Variants in FBXL17 observed in about 807,000 individuals in gnomAD.
FBXL17 encodes F-box/LRR-repeat protein 17.
A neutral mutation model predicts 66.2 loss-of-function variants in FBXL17; 22 were observed. That is an observed-to-expected ratio of 0.33 (90% CI 0.24 to 0.47). The LOEUF (loss-of-function observed/expected upper bound fraction) is 0.47, where lower values mean the gene tolerates loss of function less well. Among genes scored for constraint, FBXL17 ranks in the 20% least tolerant of loss-of-function variants. The pLI, the probability that FBXL17 is intolerant of heterozygous loss-of-function variation, is 1.00. For synonymous variants in FBXL17, 474 were observed against 400.5 expected (o/e 1.18, Z -2.19); for missense variants, 878 against 948.2 (o/e 0.93, Z 0.97).
chr5:108,237,330 T>A (rs1341196390), intron 4 of FBXL17, among the ~76,000 whole-genome samples: 1 of 152,130 alleles, frequency 6.6e-6, no homozygotes, highest in African/African-American at 2.4e-5. Flanking sequence ...TAGGTTGGGA[T>A]GTGAAGAGTC....
intron 6 of FBXL17, among the ~76,000 whole-genome samples, chr5:108,110,039 A>G (rs1235301525): frequency 3.3e-5 from 5 of 152,146 alleles, no homozygotes; most frequent in African/African-American, 1.2e-4. Flanking sequence ...GGTTACAGGT[A>G]AATAAGTGAT....
At chr5:108,252,566 A>G (rs1490168156) in intron 4 of FBXL17, among the ~76,000 whole-genome samples, 4 of 152,158 alleles carry the variant, frequency 2.6e-5, no homozygotes, top group African/African-American at 7.2e-5. Context: ...AAAACATAGT[A>G]AGATAGTTGG....
intron 4 of FBXL17, among the ~76,000 whole-genome samples, chr5:108,256,893 G>A (rs571952576): frequency 8.6e-5 from 13 of 151,446 alleles, no homozygotes; most frequent in South Asian, 2.1e-4. Flanking sequence ...TTTTTTAAGC[G>A]TGTAACAAGA....
chr5:108,080,788 G>T (rs1748731893), intron 6 of FBXL17, among the ~76,000 whole-genome samples: 1 of 152,036 alleles, frequency 6.6e-6, no homozygotes, highest in Admixed American at 6.5e-5. Context: ...GGAATCAGTA[G>T]AAAAGAGTAT....
At chr5:108,367,134 C>T (rs900754939) in intron 2 of FBXL17, among the ~76,000 whole-genome samples, 3 of 151,836 alleles carry the variant, frequency 2.0e-5, no homozygotes, top group South Asian at 2.1e-4. Context: ...TTTAGTACTT[C>T]GATAAAATGC....
intron 7 of FBXL17, among the ~76,000 whole-genome samples, chr5:107,914,641 C>T (rs1052054962): frequency 9.8e-5 from 15 of 152,312 alleles, no homozygotes; most frequent in African/African-American, 3.6e-4. Flanking sequence ...GTCAACCCCA[C>T]CCAAGTGACC....
intron 1 of FBXL17, among the ~76,000 whole-genome samples, 192 bp from the exon 2 acceptor site, chr5:108,368,145 T>C (rs1272841166): frequency 1.3e-5 from 2 of 152,028 alleles, no homozygotes; most frequent in African/African-American, 4.8e-5. Flanking sequence ...AACGGACTGA[T>C]GTTATATTTT....
At chr5:108,086,852 C>A (rs1040593096) in intron 6 of FBXL17, among the ~76,000 whole-genome samples, 1 of 152,110 alleles carries the variant, frequency 6.6e-6, no homozygotes, top group Admixed American at 6.5e-5. Flanking sequence ...TAAGCTACCG[C>A]ACCCCGCCAG....
At chr5:108,352,160 T>C (rs1328908353) in intron 3 of FBXL17, among the ~76,000 whole-genome samples, 1 of 152,196 alleles carries the variant, frequency 6.6e-6, no homozygotes, top group African/African-American at 2.4e-5. Context: ...AGTAAAACCA[T>C]CATTTAATCT....
intron 6 of FBXL17, among the ~76,000 whole-genome samples, chr5:108,154,648 C>CAGATATATGTGTATATATATACACAT (rs1389148464): frequency 8.6e-6 from 1 of 116,190 alleles, no homozygotes; most frequent in Admixed American, 8.3e-5. Flanking sequence ...CACACACACA[C>CAGATATATGTGTATATATATACACAT]ATATATGTAT....
intron 6 of FBXL17, among the ~76,000 whole-genome samples, chr5:108,158,406 G>C (rs1020132664): frequency 1.3e-5 from 2 of 152,152 alleles, no homozygotes; most frequent in African/African-American, 4.8e-5. Context: ...AGGGGCTTAA[G>C]CAACTAGGAA....
intron 7 of FBXL17, among the ~76,000 whole-genome samples, chr5:108,006,167 T>A (rs1261182536): frequency 1.3e-5 from 2 of 152,238 alleles, no homozygotes; most frequent in Admixed American, 6.5e-5. Context: ...TAGGTCTATA[T>A]GTAACCCAGG....
At chr5:108,169,029 A>G (rs1002469595) in intron 6 of FBXL17, among the ~76,000 whole-genome samples, 4 of 152,210 alleles carry the variant, frequency 2.6e-5, no homozygotes, top group Admixed American at 6.5e-5. Flanking sequence ...TCACAATGGA[A>G]GACGGCCATC....
intron 5 of FBXL17, among the ~76,000 whole-genome samples, chr5:108,196,847 A>G (rs1046680326): frequency 6.6e-6 from 1 of 152,188 alleles, no homozygotes; most frequent in African/African-American, 2.4e-5. Context: ...AAGCATAATG[A>G]GTTCTCTATT....
chr5:107,970,684 T>C (rs1225924965), intron 7 of FBXL17, among the ~76,000 whole-genome samples: 2 of 152,204 alleles, frequency 1.3e-5, no homozygotes, highest in African/African-American at 4.8e-5. Flanking sequence ...TGATTTTTCC[T>C]TTGAAACGTT....
At chr5:108,375,811 G>T (rs989034634) in intron 1 of FBXL17, among the ~76,000 whole-genome samples, 1 of 152,036 alleles carries the variant, frequency 6.6e-6, no homozygotes, top group African/African-American at 2.4e-5. Flanking sequence ...GCCAGGCAAA[G>T]AAATCTCAAA....
intron 6 of FBXL17, among the ~76,000 whole-genome samples, chr5:108,119,205 G>T (rs1750379246): frequency 6.6e-6 from 1 of 152,188 alleles, no homozygotes; most frequent in African/African-American, 2.4e-5. Flanking sequence ...TGCTCAGGGT[G>T]AGGACTGCAC....
At chr5:108,107,092 G>A (rs1463246137) in intron 6 of FBXL17, among the ~76,000 whole-genome samples, 1 of 152,008 alleles carries the variant, frequency 6.6e-6, no homozygotes. Flanking sequence ...ATTTTTTTGA[G>A]ACAGAGTCTC....
chr5:108,202,001 G>T (rs1044503517), intron 5 of FBXL17, among the ~76,000 whole-genome samples: 41 of 152,174 alleles, frequency 2.7e-4, no homozygotes, highest in African/African-American at 9.1e-4. Context: ...ACAAACAAGT[G>T]TGTGATAAAC....
Sources: allele counts gnomAD v4.1 joint callset (sites outside exome capture counted in the v4.1 genomes callset), GRCh38; gene constraint gnomAD v4.1.1; transcripts MANE v1.5; gene names NCBI Gene and HGNC (gene_info 2026-07-23, HGNC 2026-07-21).